Variants in DMBT1 observed in about 807,000 individuals in gnomAD.
DMBT1 encodes deleted in malignant brain tumors 1.
DMBT1 carries 198 observed loss-of-function variants against 252.9 expected under a neutral mutation model. That is an observed-to-expected ratio of 0.78 (90% confidence interval 0.70 to 0.88). DMBT1 has a LOEUF of 0.88. Among genes scored for constraint, DMBT1 ranks in the 40% least tolerant of loss-of-function variants. The probability of loss-of-function intolerance (pLI) is 0.00; values close to 1 mark genes in which losing one functional copy is unlikely to be tolerated. For synonymous variants in DMBT1, 990 were observed against 942.7 expected (o/e 1.05, Z -0.92); for missense variants, 2,432 against 2,404.7 (o/e 1.01, Z -0.24).
chr10:122,631,223 C>G lies in DMBT1; in HGVS notation c.6288C>G (p.Asn2096Lys). ...AATCCACTCTCTGGCAGTGCCGGAACCGAGGCTGGTTCTCCCACAACTGTA... is the reference window on the plus strand; with the variant it reads ...AATCCACTCTCTGGCAGTGCCGGAAGCGAGGCTGGTTCTCCCACAACTGTA... ...GTESTLWQCR[N>K]RGWFSHNCNH... is the part of the protein sequence containing the mutation. Residue 2096 changes from asparagine (N) to lysine (K), a missense_variant, in exon 49 of 56, where the codon AAC (asparagine) becomes AAG (lysine). Asn to Lys is a moderately conservative substitution (Grantham distance 94). This residue lies in a region of DMBT1 where 1,162 missense variants were observed against 1,169.0 expected (regional missense o/e 0.99). Transcript: ENST00000338354. 6.2e-7 allele frequency: 1 copy of G among 1,614,018 alleles called. No homozygotes were observed. The highest frequency in any genetic ancestry group is 8.5e-7 in the Non-Finnish European group (1 of 1,179,896).
intron 5 of DMBT1, among the ~76,000 whole-genome samples, chr10:122,572,577 T>C (rs952377998): frequency 3.3e-5 from 5 of 152,216 alleles, no homozygotes; most frequent in African/African-American, 1.2e-4. Flanking sequence ...CTCTGTAGTT[T>C]ACTTGCTTTG....
intron 44 of DMBT1, among the ~76,000 whole-genome samples, chr10:122,624,951 T>A (rs28680496): frequency 0.065 from 9,902 of 152,308 alleles, 347 homozygotes; most frequent in South Asian, 0.13. Context: ...CTCTTCAAGA[T>A]GGCCAGTTTC....
intron 40 of DMBT1, 35 bp from the exon 41 acceptor site, chr10:122,617,982 G>A: frequency 1.9e-6 from 3 of 1,596,110 alleles, no homozygotes; most frequent in Non-Finnish European, 2.5e-6. Context: ...ACCTCCTGGT[G>A]GGGATGGATG....
At chr10:122,575,404 A>G (rs142344973) in intron 6 of DMBT1, among the ~76,000 whole-genome samples, 31 of 152,312 alleles carry the variant, frequency 2.0e-4, no homozygotes, top group Admixed American at 5.2e-4. Flanking sequence ...GACTTTCCCA[A>G]ATTTACACAG....
intron 16 of DMBT1, 35 bp downstream of exon 16, chr10:122,586,418 G>T: frequency 6.3e-7 from 1 of 1,584,678 alleles, no homozygotes; most frequent in Non-Finnish European, 8.6e-7. Flanking sequence ...CCTCTCTTGG[G>T]GTAGATTTTG....
chr10:122,593,676 C>T (rs1157925558), intron 21 of DMBT1, 78 bp downstream of exon 21: 2 of 1,428,268 alleles, frequency 1.4e-6, no homozygotes, highest in Admixed American at 2.1e-5. Flanking sequence ...ACAGAGCTCT[C>T]CTGTTTCTCT....
At chr10:122,629,694 C>A (rs972462940) in intron 46 of DMBT1, 146 bp from the exon 47 acceptor site, 58 of 973,338 alleles carry the variant, frequency 6.0e-5, no homozygotes, top group Non-Finnish European at 8.0e-5. Context: ...GAACCAGGCC[C>A]AAGAGAGGGG....
chr10:122,564,956 T>C (rs1420943432), intron 1 of DMBT1, among the ~76,000 whole-genome samples: 1 of 152,132 alleles, frequency 6.6e-6, no homozygotes, highest in Non-Finnish European at 1.5e-5. Context: ...CCATCACAAG[T>C]AGAAAATGAA....
intron 47 of DMBT1, 62 bp downstream of exon 47, chr10:122,630,055 G>T (rs2098148743): frequency 6.3e-7 from 1 of 1,599,448 alleles, no homozygotes; most frequent in East Asian, 2.2e-5. Context: ...CACTGGTTTA[G>T]ACTGTGTCCT....
chr10:122,620,146 C>T, intron 42 of DMBT1, 107 bp from the exon 43 acceptor site: 1 of 1,211,776 alleles, frequency 8.3e-7, no homozygotes, highest in South Asian at 1.2e-5. Context: ...GTGGCAGGAA[C>T]CAGAAATTGA....
chr10:122,593,653 C>A (rs1464209372), intron 21 of DMBT1, 55 bp downstream of exon 21: 1 of 1,514,402 alleles, frequency 6.6e-7, no homozygotes, highest in South Asian at 1.2e-5. Flanking sequence ...CCCAATCACC[C>A]CTTCCACACT....
At chr10:122,625,123 A>G (rs1032652215) in intron 44 of DMBT1, among the ~76,000 whole-genome samples, 154 bp from the exon 45 acceptor site, 7 of 152,194 alleles carry the variant, frequency 4.6e-5, no homozygotes, top group East Asian at 3.9e-4. Context: ...TTTTTTTGAG[A>G]CTAACCGTTA....
chr10:122,627,364 A>C (rs926023931), intron 46 of DMBT1, among the ~76,000 whole-genome samples: 5 of 152,208 alleles, frequency 3.3e-5, no homozygotes, highest in African/African-American at 1.2e-4. Context: ...AAACACACAC[A>C]CACACACAGT....
intron 44 of DMBT1, among the ~76,000 whole-genome samples, chr10:122,622,703 C>T (rs555608141): frequency 1.4e-4 from 21 of 152,286 alleles, no homozygotes; most frequent in Admixed American, 4.6e-4. Flanking sequence ...TTAGCTCTGA[C>T]GGCTCAGCCA....
At chr10:122,575,123 G>A (rs1051538562) in intron 6 of DMBT1, among the ~76,000 whole-genome samples, 1 of 152,174 alleles carries the variant, frequency 6.6e-6, no homozygotes, top group African/African-American at 2.4e-5. Context: ...AATATTAGAA[G>A]CATTTCTGCT....
chr10:122,600,649 C>T (rs937475063), intron 27 of DMBT1, among the ~76,000 whole-genome samples: 18 of 152,168 alleles, frequency 1.2e-4, no homozygotes, highest in Non-Finnish European at 2.2e-4. Flanking sequence ...CCCTGGTTCC[C>T]CTAACATTTT....
intron 27 of DMBT1, among the ~76,000 whole-genome samples, chr10:122,600,365 T>C (rs2097935993): frequency 2.6e-5 from 4 of 152,154 alleles, no homozygotes; most frequent in Admixed American, 2.0e-4. Flanking sequence ...GTTCAGGAAG[T>C]GGCCCCATGT....
At chr10:122,599,280 G>A (rs1237893592) in intron 26 of DMBT1, among the ~76,000 whole-genome samples, 183 bp downstream of exon 26, 1 of 152,168 alleles carries the variant, frequency 6.6e-6, no homozygotes, top group Non-Finnish European at 1.5e-5. Flanking sequence ...TGGTCACTTA[G>A]GACAGGGGAC....
chr10:122,629,953 A>C lies in DMBT1; in HGVS notation c.5782A>C (p.Asn1928His). Residue 1928 changes from asparagine to histidine, a missense_variant, in exon 47 of 56, where the codon AAT (asparagine) becomes CAT (histidine). Transcript: ENST00000338354. ...NAKCVWEIEVNSGYRINLGFS... is the reference protein window; with the variant it reads ...NAKCVWEIEVHSGYRINLGFS... ...TAAGTGTGTTTGGGAAATAGAAGTGAATTCTGGTTATCGCATAAACCTGGG... is the reference window on the plus strand; with the variant it reads ...TAAGTGTGTTTGGGAAATAGAAGTGCATTCTGGTTATCGCATAAACCTGGG... 1 of 1,613,982 alleles carries C rather than the reference A, an allele frequency of 6.2e-7. No individual in the cohort carries two copies. The highest frequency in any genetic ancestry group is 8.5e-7 in the Non-Finnish European group (1 of 1,179,900).
Sources: gnomAD v4.1 joint callset for allele counts (sites outside exome capture counted in the v4.1 genomes callset) on GRCh38, gnomAD v4.1.1 for gene constraint, gnomAD v4.1.1 regional missense constraint, MANE v1.5 for transcripts, NCBI Gene and HGNC (gene_info 2026-07-23, HGNC 2026-07-21) for gene names.